The following CHCHD3 variants were observed in gnomAD, a reference collection of about 807,000 sequenced individuals.
CHCHD3 encodes coiled-coil-helix-coiled-coil-helix domain containing 3, also known as MICOS complex subunit MIC19.
In CHCHD3, 20 loss-of-function variants were observed where a neutral mutation model predicts 38.2. The observed-to-expected ratio is 0.52, with a 90% CI of 0.37 to 0.76. The LOEUF (loss-of-function observed/expected upper bound fraction) is 0.76, where lower values mean the gene tolerates loss of function less well. CHCHD3 is among the 30% of genes least tolerant of loss of function. The pLI is 0.00. For synonymous variants in CHCHD3, 82 were observed against 100.0 expected, an observed-to-expected ratio of 0.82 and a Z score of 1.07; for missense variants, 245 against 279.2, an observed-to-expected ratio of 0.88 and a Z score of 0.87.
intron 7 of CHCHD3, among the ~76,000 whole-genome samples, chr7:132,786,509 T>C (rs546293348): frequency 6.6e-6 from 1 of 152,304 alleles, no homozygotes; most frequent in Non-Finnish European, 1.5e-5. Flanking sequence ...AGATGAGAAC[T>C]CTATAACCAG....
chr7:133,001,837 T>C (rs1172713652), intron 3 of CHCHD3, among the ~76,000 whole-genome samples: 1 of 152,222 alleles, frequency 6.6e-6, no homozygotes, highest in East Asian at 1.9e-4. Context: ...ATGGATGCGA[T>C]AGATAATCAT....
intron 2 of CHCHD3, among the ~76,000 whole-genome samples, chr7:133,050,160 A>G (rs1814112277): frequency 6.6e-6 from 1 of 151,880 alleles, no homozygotes; most frequent in Non-Finnish European, 1.5e-5. Flanking sequence ...CAGCCTGGCC[A>G]ACATGGTGAA....
Position 132,788,071 on chromosome 7 carries a change from G to T in CHCHD3, c.661-2411C>A, listed in dbSNP as rs957334857. Among the ~76,000 whole-genome samples, 3 of 152,172 alleles carry T rather than the reference G, an allele frequency of 2.0e-5. No homozygotes were observed. The highest frequency in any genetic ancestry group is 7.2e-5 in the African/African-American group (3 of 41,454). The stretch of plus-strand genomic sequence containing the variant: ...CACCTGGCAGTGTCACAGCGTCACA[G>T]CATCTCAGCTATGCTCACCTGCTTA... On this transcript the variant is annotated intron_variant, in intron 7 of 7. Transcript: ENST00000262570. This position sits in a 1 kb window ranked among gnomAD's most constrained non-coding sequence, Gnocchi z 4.0.
chr7:132,968,663 T>C (rs1811537422), intron 4 of CHCHD3, among the ~76,000 whole-genome samples: 1 of 152,170 alleles, frequency 6.6e-6, no homozygotes, highest in South Asian at 2.1e-4. Flanking sequence ...TATCTTTAAA[T>C]GCCCAATAAA....
intron 4 of CHCHD3, among the ~76,000 whole-genome samples, chr7:132,900,962 G>A (rs976547385): frequency 6.6e-6 from 1 of 152,292 alleles, no homozygotes. Context: ...CTGAACTCCA[G>A]CCTGGGCGAC....
intron 7 of CHCHD3, among the ~76,000 whole-genome samples, chr7:132,795,359 C>G (rs1190469444): frequency 6.6e-6 from 1 of 152,090 alleles, no homozygotes; most frequent in African/African-American, 2.4e-5. Flanking sequence ...TACCAAAGAC[C>G]TTTAATGAAA....
chr7:132,998,354 G>T (rs1480835658), intron 3 of CHCHD3, among the ~76,000 whole-genome samples: 2 of 152,186 alleles, frequency 1.3e-5, no homozygotes, highest in African/African-American at 2.4e-5. Flanking sequence ...AGAAAAATGT[G>T]GTTTGGAATG....
At chr7:132,909,869 G>T (rs1050379688) in intron 4 of CHCHD3, among the ~76,000 whole-genome samples, 2 of 152,260 alleles carry the variant, frequency 1.3e-5, no homozygotes, top group South Asian at 4.1e-4. Context: ...TTCAGCAATG[G>T]TTACAGAGAA....
At chr7:132,972,888 G>A in intron 4 of CHCHD3, 1 of 985,392 alleles carries the variant, frequency 1.0e-6, no homozygotes, top group Non-Finnish European at 1.2e-6. Context: ...AGTTTCTCAT[G>A]CTTCACCAGC....
intron 2 of CHCHD3, among the ~76,000 whole-genome samples, chr7:133,027,375 G>GAGAGAGAGAGAGAGAGAGAGAGAA (rs1813372174): frequency 1.5e-5 from 2 of 133,582 alleles, no homozygotes; most frequent in African/African-American, 5.6e-5. Context: ...GAGAGAGAGA[G>GAGAGAGAGAGAGAGAGAGAGAGAA]AGAGAGAGAG....
chr7:132,911,730 T>C (rs1208397746), intron 4 of CHCHD3, among the ~76,000 whole-genome samples: 1 of 152,240 alleles, frequency 6.6e-6, no homozygotes, highest in Admixed American at 6.5e-5. Context: ...GCAACTGCCT[T>C]TTGGCTCTCC....
chr7:132,792,838 T>C (rs1159134668), intron 7 of CHCHD3, among the ~76,000 whole-genome samples: 1 of 152,116 alleles, frequency 6.6e-6, no homozygotes, highest in Non-Finnish European at 1.5e-5. Context: ...GAACACAAAA[T>C]GTGCCAGAAG....
In CHCHD3 at chr7:132,943,817, C is replaced by T. The variant is rs191539458; in HGVS notation, c.369+31352G>A. Among the ~76,000 whole-genome samples the T allele has an allele frequency of 7.9e-5, 12 of 152,188 alleles. No homozygotes were observed. In the East Asian group the frequency reaches 1.2e-3, roughly 15 times the overall value. On this transcript the variant is annotated intron_variant, in intron 4 of 7. Coordinates refer to ENST00000262570, the MANE Select transcript of CHCHD3 (RefSeq NM_017812.4). ...ATTCAGGTTAGCCACATATGTCTGG[C>T]GATGTCTCTCTATTTCACTATCTGT...
intron 6 of CHCHD3, among the ~76,000 whole-genome samples, chr7:132,807,097 G>A (rs991888529): frequency 6.6e-6 from 1 of 152,204 alleles, no homozygotes; most frequent in African/African-American, 2.4e-5. Flanking sequence ...ATTCTGGTGA[G>A]TAAGCCCACG....
At chr7:132,967,388 G>GT (rs1459071414) in intron 4 of CHCHD3, among the ~76,000 whole-genome samples, 2 of 152,098 alleles carry the variant, frequency 1.3e-5, no homozygotes, top group Non-Finnish European at 2.9e-5. Context: ...AGTCTTGGCA[G>GT]TGAGTTCTCC....
chr7:133,050,340 T>TAAAAAAAAA (rs35635002), intron 2 of CHCHD3, among the ~76,000 whole-genome samples: 1 of 31,846 alleles, frequency 3.1e-5, no homozygotes, highest in Non-Finnish European at 6.3e-5. Context: ...GGCTGTGTCT[T>TAAAAAAAAA]AAAAAAAAAA....
intron 4 of CHCHD3, chr7:132,973,233 T>C (rs1350190826): frequency 1.0e-6 from 1 of 985,236 alleles, no homozygotes; most frequent in African/African-American, 1.7e-5. Flanking sequence ...CAAAGAGAAA[T>C]GCCAACCAAG....
chr7:132,996,868 T>A (rs758489524), intron 3 of CHCHD3, among the ~76,000 whole-genome samples: 1 of 152,194 alleles, frequency 6.6e-6, no homozygotes, highest in Non-Finnish European at 1.5e-5. Flanking sequence ...AGATTAACTA[T>A]CGTTAAAAAC....
chr7:132,870,764 C>T (rs1808748969), intron 5 of CHCHD3, among the ~76,000 whole-genome samples: 1 of 152,200 alleles, frequency 6.6e-6, no homozygotes, highest in South Asian at 2.1e-4. Context: ...AACACCCACT[C>T]ACTTGCCTAG....
Sources: gnomAD v4.1 joint callset for allele counts (sites outside exome capture counted in the v4.1 genomes callset) on GRCh38, gnomAD v4.1.1 for gene constraint, Gnocchi (gnomAD v3.1) non-coding constraint, MANE v1.5 for transcripts, NCBI Gene and HGNC (gene_info 2026-07-23, HGNC 2026-07-21) for gene names.